The following TG variants were observed in gnomAD, a reference collection of about 807,000 sequenced individuals.
The protein encoded by TG is thyroid hormones.
TG carries 270 observed loss-of-function variants against 324.7 expected under a neutral mutation model. That is an observed-to-expected ratio of 0.83 (90% CI 0.75 to 0.92). The LOEUF (loss-of-function observed/expected upper bound fraction) is 0.92. TG is among the 40% of genes least tolerant of loss of function. The probability of loss-of-function intolerance (pLI) is 0.00; values close to 1 mark genes in which losing one functional copy is unlikely to be tolerated. For missense variants in TG, 3,591 were observed against 3,456.4 expected (o/e 1.04, Z -0.98); for synonymous variants, 1,401 against 1,327.0 (o/e 1.06, Z -1.21).
chr8:132,883,268 A>T, intron 8 of TG: 1 of 471,866 alleles, frequency 2.1e-6, no homozygotes, highest in Non-Finnish European at 3.8e-6. Context: ...TTGAGTTCCC[A>T]TGTGCGGTGA....
At position 133,029,898 on chromosome 8, in the gene TG, G is replaced by A; in HGVS notation, c.7114G>A (p.Gly2372Arg). 1 of 1,614,248 alleles carries A rather than the reference G, an allele frequency of 6.2e-7. No homozygotes were observed. ...ALTWVQTHIRGFGGDPRRVSL... is the reference protein window; with the variant it reads ...ALTWVQTHIRRFGGDPRRVSL... The stretch of plus-strand genomic sequence containing the variant: ...GACCTGGGTGCAGACCCACATCCGA[G>A]GATTTGGCGGGGACCCTCGGCGCGT... The change falls in exon 41 of 48, where the codon GGA becomes AGA. Residue 2372 changes from glycine (G) to arginine (R), a missense_variant. By Grantham distance (125) the Gly-to-Arg change is moderately radical. Transcript: ENST00000220616.
At chr8:132,912,980 G>A in intron 19 of TG, 67 bp from the exon 20 acceptor site, 2 of 1,491,136 alleles carry the variant, frequency 1.3e-6, no homozygotes, top group Non-Finnish European at 1.9e-6. Flanking sequence ...TCTCTGCCCT[G>A]CTTAATCCTC....
At chr8:132,882,360 C>A in intron 6 of TG, 109 bp from the exon 7 acceptor site, 1 of 1,285,600 alleles carries the variant, frequency 7.8e-7, no homozygotes, top group Non-Finnish European at 1.1e-6. Flanking sequence ...AGACTTATTG[C>A]CTAATGATGC....
chr8:133,053,915 T>A (rs1472018037), intron 41 of TG, among the ~76,000 whole-genome samples: 1 of 152,148 alleles, frequency 6.6e-6, no homozygotes, highest in East Asian at 1.9e-4. Context: ...AAGGGTCAGA[T>A]AACCTGTGCC....
At chr8:133,043,897 T>C (rs542920117) in intron 41 of TG, among the ~76,000 whole-genome samples, 1 of 152,262 alleles carries the variant, frequency 6.6e-6, no homozygotes, top group Admixed American at 6.5e-5. Context: ...CTTTCTTTCC[T>C]CCCTCCAATA....
chr8:132,963,118 CAG>C (rs1421644154), intron 29 of TG, 44 bp downstream of exon 29: 1 of 1,569,658 alleles, frequency 6.4e-7, no homozygotes, highest in African/African-American at 1.3e-5. Flanking sequence ...TGTCTGAATG[CAG>C]AGACTAAATG....
rs780339765 is a variant in TG, at chr8:133,017,838, G to A, written c.6623G>A (p.Arg2208Gln). 31 of 1,614,008 alleles carry A rather than the reference G, an allele frequency of 1.9e-5. No individual in the cohort carries two copies. The highest frequency in any genetic ancestry group is 1.6e-4 in the Middle Eastern group (1 of 6,084). Residue 2208 changes from arginine to glutamine, a missense_variant, in exon 38 of 48, where the codon CGG (arginine) becomes CAG (glutamine). Physicochemically the swap from Arg to Gln is conservative, Grantham distance 43. Transcript: ENST00000220616. ...VPSVPISTHG[R>Q]LLGRSQAIQV... is the part of the protein sequence containing the mutation. The stretch of plus-strand genomic sequence containing the variant: ...TCTGTGCCCATTTCCACCCATGGCC[G>A]GCTGCTGGGCAGGTCCCAGGCCATC...
At chr8:132,876,572 G>A (rs980081079) in intron 5 of TG, among the ~76,000 whole-genome samples, 1 of 152,190 alleles carries the variant, frequency 6.6e-6, no homozygotes, top group African/African-American at 2.4e-5. Flanking sequence ...GTTTGCACTT[G>A]AATTTGGCAA....
intron 44 of TG, among the ~76,000 whole-genome samples, chr8:133,115,840 G>A (rs1486103274): frequency 6.6e-6 from 1 of 152,246 alleles, no homozygotes; most frequent in Non-Finnish European, 1.5e-5. Context: ...ACTCTTGTAA[G>A]CTGCTGCTTC....
At chr8:132,911,798 G>A (rs1819571305) in intron 19 of TG, among the ~76,000 whole-genome samples, 1 of 152,234 alleles carries the variant, frequency 6.6e-6, no homozygotes, top group Non-Finnish European at 1.5e-5. Flanking sequence ...GCAGAGAGGT[G>A]AAACAGAATG....
chr8:133,042,654 T>C (rs991598572), intron 41 of TG, among the ~76,000 whole-genome samples: 5 of 141,994 alleles, frequency 3.5e-5, no homozygotes, highest in Non-Finnish European at 7.7e-5. Flanking sequence ...AAACCCCTGG[T>C]GCACAATTCC....
chr8:133,092,453 G>T (rs907080984), intron 41 of TG, among the ~76,000 whole-genome samples: 2 of 152,220 alleles, frequency 1.3e-5, no homozygotes, highest in Non-Finnish European at 2.9e-5. Flanking sequence ...GGACCTACAG[G>T]CATGGCTGGG....
chr8:133,082,903 C>T (rs1471650212), intron 41 of TG, among the ~76,000 whole-genome samples: 2 of 152,120 alleles, frequency 1.3e-5, no homozygotes, highest in African/African-American at 4.8e-5. Context: ...CGAAACTAGC[C>T]TCGATGTAAT....
Position 133,085,100 on chromosome 8 carries a change from C to A in TG, c.7240-9944C>A, listed in dbSNP as rs142743605. Among the ~76,000 whole-genome samples, 92 of 152,328 alleles carry A rather than the reference C, an allele frequency of 6.0e-4. 2 individuals carry two copies. The highest frequency in any genetic ancestry group is 2.2e-3 in the African/African-American group (91 of 41,594). ...ACCAGCTCCGCATTACTTTTTGGTA[C>A]CTTCCTTCTCTTTCCTCCGTGTGTA... On this transcript the variant is annotated intron_variant, in intron 41 of 47. Coordinates refer to ENST00000220616, the MANE Select transcript of TG (RefSeq NM_003235.5).
At chr8:133,066,249 C>T (rs1282598863) in intron 41 of TG, among the ~76,000 whole-genome samples, 1 of 148,186 alleles carries the variant, frequency 6.7e-6, no homozygotes, top group Admixed American at 6.8e-5. Flanking sequence ...CGGCGTGAAC[C>T]CAGAAGGCAG....
At chr8:132,876,012 T>C (rs927012239) in intron 5 of TG, among the ~76,000 whole-genome samples, 7 of 150,510 alleles carry the variant, frequency 4.7e-5, no homozygotes, top group African/African-American at 1.7e-4. Flanking sequence ...CAAAGAGTAA[T>C]TTTTTTTTTC....
At chr8:132,994,644 G>A (rs1832697779) in intron 35 of TG, 1 of 1,275,496 alleles carries the variant, frequency 7.8e-7, no homozygotes, top group Non-Finnish European at 1.0e-6. Flanking sequence ...CTTGTTGAGT[G>A]TGCTGAATTC....
chr8:133,111,810 A>G (rs1850267620), intron 43 of TG, among the ~76,000 whole-genome samples: 1 of 152,242 alleles, frequency 6.6e-6, no homozygotes, highest in Admixed American at 6.5e-5. Flanking sequence ...TCCCAATTTC[A>G]TATTTGCTCC....
At chr8:133,112,521 GA>G (rs1211431397) in intron 43 of TG, among the ~76,000 whole-genome samples, 11 of 152,032 alleles carry the variant, frequency 7.2e-5, no homozygotes, top group Admixed American at 4.6e-4. Context: ...GGAACAGAGA[GA>G]GGGGGGAATT....
Sources: allele counts gnomAD v4.1 joint callset (sites outside exome capture counted in the v4.1 genomes callset), GRCh38; gene constraint gnomAD v4.1.1; transcripts MANE v1.5; gene names NCBI Gene and HGNC (gene_info 2026-07-23, HGNC 2026-07-21).